Variants in EXOC6 observed in about 807,000 individuals in gnomAD.
The protein encoded by EXOC6 is SEC15-like 1.
EXOC6 carries 60 observed loss-of-function variants against 112.5 expected under a neutral mutation model. That is an observed-to-expected ratio of 0.53 (90% CI 0.43 to 0.66). The LOEUF is 0.66. Ranked by LOEUF, EXOC6 falls within the 30% of genes least tolerant of loss-of-function variation. The probability of loss-of-function intolerance (pLI) is 0.00; values close to 1 mark genes in which losing one functional copy is unlikely to be tolerated. For missense variants in EXOC6, 855 were observed against 957.1 expected (o/e 0.89, Z 1.41); for synonymous variants, 295 against 308.0 (o/e 0.96, Z 0.44).
chr10:92,982,540 G>A (rs2134126771), intron 18 of EXOC6, among the ~76,000 whole-genome samples: 1 of 145,752 alleles, frequency 6.9e-6, no homozygotes, highest in South Asian at 2.2e-4. Context: ...ATATTTACTA[G>A]CACACCACTA....
intron 5 of EXOC6, chr10:92,900,243 A>G (rs1850083139): frequency 6.6e-6 from 1 of 152,106 alleles, no homozygotes; most frequent in African/African-American, 2.4e-5. Flanking sequence ...AGCGTGGGCA[A>G]TATAGGGAGA....
rs570058321 is a variant in EXOC6 at position 92,972,152 on chromosome 10, A to C, written c.1774-1901A>C. On this transcript the variant is annotated intron_variant, in intron 17 of 21. Coordinates refer to ENST00000260762, the MANE Select transcript of EXOC6 (RefSeq NM_019053.6). The stretch of plus-strand genomic sequence containing the variant: ...CGTGCACATGTTGGGGTGTGTCTTA[A>C]ACACTGAGATAGGAAGTTAATCACT... Among the ~76,000 whole-genome samples the C allele has an allele frequency of 1.7e-3, 256 of 152,298 alleles. 3 individuals are homozygous for C. Among genetic ancestry groups the C allele is most frequent in the South Asian group, 0.011 (51 of 4,824 alleles).
At chr10:92,862,964 A>G (rs1222968093) in intron 1 of EXOC6, among the ~76,000 whole-genome samples, 1 of 152,176 alleles carries the variant, frequency 6.6e-6, no homozygotes, top group Non-Finnish European at 1.5e-5. Context: ...AATAGTTTGG[A>G]GTGCACAAGT....
chr10:92,952,524 A>G, intron 15 of EXOC6, 142 bp downstream of exon 15: 1 of 643,748 alleles, frequency 1.6e-6, no homozygotes. Flanking sequence ...ATATTGTGTA[A>G]TGCTGAGATT....
At chr10:93,036,222 A>G (rs1008687713) in intron 20 of EXOC6, among the ~76,000 whole-genome samples, 13 of 151,556 alleles carry the variant, frequency 8.6e-5, no homozygotes, top group Non-Finnish European at 1.6e-4. Flanking sequence ...CCATCTCAAA[A>G]AAAAAAAAGA....
chr10:92,930,457 C>T (rs1038031018), intron 9 of EXOC6, among the ~76,000 whole-genome samples: 4 of 151,824 alleles, frequency 2.6e-5, no homozygotes, highest in Admixed American at 6.6e-5. Context: ...GAGCCGACAT[C>T]GCACCATTGC....
chr10:92,881,597 A>G (rs75339312), intron 1 of EXOC6, among the ~76,000 whole-genome samples: 1,631 of 152,278 alleles, frequency 0.011, 33 homozygotes, highest in African/African-American at 0.037. Context: ...GGTAGAAGGA[A>G]TCTTCCTTTT....
In EXOC6 at chr10:92,934,343, G is replaced by T; in HGVS notation, c.1053G>T (p.Val351=). ...FFVVEDHILH[V]TQGLVTRAYT... ...TGGTAGAAGATCACATTTTACATGT[G>T]ACCCAAGGATTAGTAACCAGGGCAT... The change falls in exon 11 of 22, where the codon GTG becomes GTT. Residue 351 remains valine, a synonymous_variant. Coordinates refer to ENST00000260762, the MANE Select transcript of EXOC6 (RefSeq NM_019053.6). The T allele has an allele frequency of 6.3e-7, 1 of 1,595,254 alleles. No homozygotes were observed. Among genetic ancestry groups the T allele is most frequent in the South Asian group, 1.2e-5 (1 of 86,412 alleles).
chr10:93,038,229 C>T (rs1017401273), intron 20 of EXOC6, among the ~76,000 whole-genome samples: 3 of 151,856 alleles, frequency 2.0e-5, no homozygotes, highest in Non-Finnish European at 2.9e-5. Context: ...ATTATAACCA[C>T]AATTCCTATT....
chr10:92,949,188 C>T (rs1038553226), intron 14 of EXOC6, among the ~76,000 whole-genome samples: 40 of 152,016 alleles, frequency 2.6e-4, no homozygotes, highest in Non-Finnish European at 1.8e-4. Context: ...AATTCAGTAC[C>T]TTTCTACATT....
At position 92,848,530 on chromosome 10, in the gene EXOC6, C is replaced by T. The variant is rs754020799; in HGVS notation, c.-4C>T. 11 of 1,398,112 alleles carry T rather than the reference C, an allele frequency of 7.9e-6. No individual in the cohort carries two copies. Among genetic ancestry groups the T allele is most frequent in the African/African-American group, 6.1e-5 (4 of 65,942 alleles). The allele number at this position is 1,398,112 out of a possible 1,614,324, so 86.6% of individuals were successfully genotyped here. A position where few individuals can be genotyped will look rare whatever the true frequency, so the allele number is the denominator to read the frequency against. On this transcript the variant is annotated 5_prime_UTR_variant, in exon 1 of 22. Coordinates refer to ENST00000260762, the MANE Select transcript of EXOC6 (RefSeq NM_019053.6). ...CCTCGCTGGCTCCTCAGCTTCCAGC[C>T]AAAATGGCGGAGAACAGCGAGAGTC...
At chr10:93,021,807 A>G (rs1478147262) in intron 20 of EXOC6, among the ~76,000 whole-genome samples, 1 of 152,244 alleles carries the variant, frequency 6.6e-6, no homozygotes, top group African/African-American at 2.4e-5. Flanking sequence ...TTCTCATTGT[A>G]TATGAATAAT....
At position 92,976,112 on chromosome 10, in the gene EXOC6, G is replaced by A. The variant is rs1321063633; in HGVS notation, c.1953+1880G>A. ...CGGGAGGTGAGGGGCGCCTCTGCCC[G>A]GCCACCCCTACTGGGAAGTGAGGAG... On this transcript the variant is annotated intron_variant, in intron 18 of 21. Coordinates refer to ENST00000260762, the MANE Select transcript of EXOC6 (RefSeq NM_019053.6). Among the ~76,000 whole-genome samples the A allele has an allele frequency of 1.0e-2, 1,494 of 149,460 alleles. 27 individuals carry two copies. Among genetic ancestry groups the A allele is most frequent in the African/African-American group, 0.035 (1,410 of 40,628 alleles).
At chr10:93,009,915 A>G (rs1844162910) in intron 19 of EXOC6, among the ~76,000 whole-genome samples, 1 of 152,234 alleles carries the variant, frequency 6.6e-6, no homozygotes, top group South Asian at 2.1e-4. Context: ...GGCACAAGTC[A>G]CATCTGTGTA....
chr10:92,832,431 C>T (rs1223211488), upstream of EXOC6, among the ~76,000 whole-genome samples: 6 of 152,154 alleles, frequency 3.9e-5, no homozygotes, highest in Admixed American at 3.9e-4. Context: ...GCGTCCGCCA[C>T]CACAGCCGGC....
chr10:92,836,210 C>T (rs1160953680), intron 1 of EXOC6, among the ~76,000 whole-genome samples: 3 of 152,184 alleles, frequency 2.0e-5, no homozygotes, highest in South Asian at 2.1e-4. Flanking sequence ...TACCTCTCCC[C>T]GGTCTCACAA....
chr10:92,912,506 AT>A (rs1185439978), intron 6 of EXOC6, among the ~76,000 whole-genome samples: 1 of 152,150 alleles, frequency 6.6e-6, no homozygotes, highest in African/African-American at 2.4e-5. Flanking sequence ...ATTTAGGGTC[AT>A]TTGATTATGA....
chr10:92,983,278 T>G (rs1178838158), intron 18 of EXOC6, among the ~76,000 whole-genome samples: 1 of 152,148 alleles, frequency 6.6e-6, no homozygotes, highest in Non-Finnish European at 1.5e-5. Context: ...GAATGGAAAA[T>G]AGACCCTCTC....
intron 1 of EXOC6, among the ~76,000 whole-genome samples, chr10:92,842,899 C>T (rs968031434): frequency 6.6e-6 from 1 of 151,828 alleles, no homozygotes; most frequent in African/African-American, 2.4e-5. Context: ...ATTCCTTTTT[C>T]AAAAATTATT....
Sources: gnomAD v4.1 joint callset for allele counts (sites outside exome capture counted in the v4.1 genomes callset) on GRCh38, gnomAD v4.1.1 for gene constraint, MANE v1.5 for transcripts, NCBI Gene and HGNC (gene_info 2026-07-23, HGNC 2026-07-21) for gene names.